MACROD2: variants seen among roughly 807,000 people sequenced by gnomAD.
MACROD2 encodes the protein mono-ADP ribosylhydrolase 2, also known as ADP-ribose glycohydrolase MACROD2.
Under a neutral mutation model 70.4 loss-of-function variants are expected in MACROD2, and 36 were observed. The observed-to-expected ratio is 0.51, with a 90% CI of 0.39 to 0.68. The LOEUF is 0.68. Among genes scored for constraint, MACROD2 ranks in the 30% least tolerant of loss-of-function variants. The pLI is 0.00. For missense variants in MACROD2, 496 were observed against 538.4 expected (o/e 0.92, Z 0.78); for synonymous variants, 172 against 178.8 (o/e 0.96, Z 0.30).
intron 4 of MACROD2, among the ~76,000 whole-genome samples, chr20:14,635,917 T>C (rs946817258): frequency 1.3e-5 from 2 of 152,180 alleles, no homozygotes; most frequent in Non-Finnish European, 2.9e-5. Context: ...CCCAATGATA[T>C]GAGACAAATT....
intron 8 of MACROD2, among the ~76,000 whole-genome samples, chr20:15,737,090 T>C (rs951754967): frequency 6.6e-6 from 1 of 152,090 alleles, no homozygotes; most frequent in Non-Finnish European, 1.5e-5. Context: ...TGGTTATTGA[T>C]TGTATATGGA....
Position 13,995,706 on chromosome 20 carries a change from C to A in MACROD2, c.-58C>A. 1 of 1,562,226 alleles carries A rather than the reference C, an allele frequency of 6.4e-7. No homozygotes were observed. The highest frequency in any genetic ancestry group is 8.8e-7 in the Non-Finnish European group (1 of 1,134,482). On this transcript the variant is annotated 5_prime_UTR_variant, in exon 1 of 18. It adds an upstream start codon to the 5' untranslated region. Transcript: ENST00000684519. The surrounding 1 kb of genome is among the most constrained non-coding windows in gnomAD (Gnocchi z 4.3). ...CCACCCCTCCCACTCCACACACACC[C>A]TGTTTGCCCGTGAGCCTGGGGAACT...
intron 4 of MACROD2, among the ~76,000 whole-genome samples, chr20:14,680,717 A>G (rs1311574364): frequency 1.3e-5 from 2 of 152,168 alleles, no homozygotes; most frequent in African/African-American, 2.4e-5. Context: ...AGACAGACCC[A>G]TAGCTGACCT....
chr20:15,431,205 TG>T (rs2046359811), intron 6 of MACROD2, among the ~76,000 whole-genome samples, 199 bp from the exon 7 acceptor site: 1 of 152,054 alleles, frequency 6.6e-6, no homozygotes, highest in South Asian at 2.1e-4. Flanking sequence ...TTGGTTCTCG[TG>T]AGCTGATGTA....
chr20:15,253,098 T>C (rs570374547), intron 6 of MACROD2, among the ~76,000 whole-genome samples: 14 of 151,650 alleles, frequency 9.2e-5, no homozygotes, highest in Non-Finnish European at 1.9e-4. Flanking sequence ...AAGGGAGGAG[T>C]TGAAGGCCAA....
At chr20:14,322,043 C>A (rs2082665554) in intron 3 of MACROD2, among the ~76,000 whole-genome samples, 1 of 148,952 alleles carries the variant, frequency 6.7e-6, no homozygotes, top group Non-Finnish European at 1.5e-5. Context: ...GATTCTTTTT[C>A]CCTATAAATT....
At chr20:15,874,923 G>A (rs1290512703) in intron 9 of MACROD2, among the ~76,000 whole-genome samples, 1 of 152,146 alleles carries the variant, frequency 6.6e-6, no homozygotes, top group Non-Finnish European at 1.5e-5. Context: ...ATGTCATCAA[G>A]AGAGTTCTTA....
At chr20:15,670,790 T>C (rs115799945) in intron 8 of MACROD2, among the ~76,000 whole-genome samples, 1 of 152,138 alleles carries the variant, frequency 6.6e-6, no homozygotes, top group Non-Finnish European at 1.5e-5. Flanking sequence ...CGAATATCAT[T>C]GTATGCTGCA....
intron 3 of MACROD2, among the ~76,000 whole-genome samples, chr20:14,491,818 A>G (rs1407447198): frequency 6.6e-6 from 1 of 152,218 alleles, no homozygotes; most frequent in African/African-American, 2.4e-5. Context: ...TTATGAATGA[A>G]TATGTGAAAA....
intron 6 of MACROD2, among the ~76,000 whole-genome samples, chr20:15,425,682 A>G (rs758641971): frequency 8.5e-5 from 13 of 152,166 alleles, no homozygotes; most frequent in African/African-American, 2.2e-4. Flanking sequence ...TCTTGTGGCT[A>G]TGGAGGGGAA....
chr20:15,592,824 A>C (rs1288484798), intron 8 of MACROD2, among the ~76,000 whole-genome samples: 1 of 152,150 alleles, frequency 6.6e-6, no homozygotes, highest in East Asian at 1.9e-4. Flanking sequence ...AAAACATCTA[A>C]AGTGTATTTA....
intron 3 of MACROD2, among the ~76,000 whole-genome samples, chr20:14,152,117 A>G (rs1161222237): frequency 1.3e-5 from 2 of 151,932 alleles, no homozygotes; most frequent in Non-Finnish European, 2.9e-5. Flanking sequence ...CACCACGCCC[A>G]GCCTGTTGTC....
intron 8 of MACROD2, among the ~76,000 whole-genome samples, chr20:15,676,316 C>T (rs2050056622): frequency 6.6e-6 from 1 of 152,176 alleles, no homozygotes; most frequent in South Asian, 2.1e-4. Context: ...TTTGAACATT[C>T]CACTTAAAAG....
intron 8 of MACROD2, among the ~76,000 whole-genome samples, chr20:15,521,535 G>A (rs892679821): frequency 6.6e-6 from 1 of 152,162 alleles, no homozygotes; most frequent in Non-Finnish European, 1.5e-5. Context: ...CTAAAGTAAC[G>A]GACATGATAA....
intron 3 of MACROD2, among the ~76,000 whole-genome samples, chr20:14,167,140 A>G (rs2055279712): frequency 6.6e-6 from 1 of 151,972 alleles, no homozygotes; most frequent in Non-Finnish European, 1.5e-5. Context: ...TCATGAATCT[A>G]TCCCATTTCA....
chr20:15,312,651 CT>C (rs1325613501), intron 6 of MACROD2, among the ~76,000 whole-genome samples: 1 of 152,066 alleles, frequency 6.6e-6, no homozygotes, highest in Non-Finnish European at 1.5e-5. Context: ...TTCATTTATG[CT>C]TATGTTTATA....
At chr20:15,811,259 C>T (rs1191526073) in intron 8 of MACROD2, among the ~76,000 whole-genome samples, 14 of 151,354 alleles carry the variant, frequency 9.2e-5, no homozygotes, top group Non-Finnish European at 1.8e-4. Flanking sequence ...CAAACAACCC[C>T]ATCAAAAAGT....
At chr20:15,510,334 C>T (rs2047481885) in intron 8 of MACROD2, among the ~76,000 whole-genome samples, 1 of 152,152 alleles carries the variant, frequency 6.6e-6, no homozygotes, top group Non-Finnish European at 1.5e-5. Flanking sequence ...GCACCTTCAT[C>T]CCTTCTAGGT....
At chr20:14,010,780 T>G (rs2052891550) in intron 2 of MACROD2, among the ~76,000 whole-genome samples, 1 of 152,130 alleles carries the variant, frequency 6.6e-6, no homozygotes, top group East Asian at 1.9e-4. Flanking sequence ...ATCTGCATCT[T>G]GAAACCCTTC....
Sources: allele counts gnomAD v4.1 joint callset (sites outside exome capture counted in the v4.1 genomes callset), GRCh38; gene constraint gnomAD v4.1.1; non-coding constraint Gnocchi (gnomAD v3.1); transcripts MANE v1.5; gene names NCBI Gene and HGNC (gene_info 2026-07-23, HGNC 2026-07-21).